The following TATDN3 variants were observed in gnomAD, a reference collection of about 807,000 sequenced individuals.
The protein encoded by TATDN3 is TatD DNase domain containing 3, also known as deoxyribonuclease TATDN3.
TATDN3 carries 29 observed loss-of-function variants against 40.1 expected under a neutral mutation model. The ratio of observed to expected loss-of-function variants is 0.72; its 90% CI spans 0.54 to 0.99. The LOEUF (loss-of-function observed/expected upper bound fraction) is 0.99, where lower values mean the gene tolerates loss of function less well. Among genes scored for constraint, TATDN3 ranks in the 50% least tolerant of loss-of-function variants. TATDN3 has a pLI of 0.00. For missense variants in TATDN3, 309 were observed against 321.9 expected (o/e 0.96, Z 0.31); for synonymous variants, 105 against 117.0 (o/e 0.90, Z 0.66).
In TATDN3 at chr1:212,804,168, A is replaced by AT. The variant is rs1465729377; in HGVS notation, c.322-151dup. 5.7e-6 allele frequency: 3 copies of AT among 530,758 alleles called. No individual in the cohort carries two copies. The East Asian group carries it at 9.0e-5, about 16-fold the overall frequency. 32.9% of individuals were successfully genotyped at this position (530,758 alleles called of 1,614,324 possible). A position where few individuals can be genotyped will look rare whatever the true frequency, so the allele number is the denominator to read the frequency against. On this transcript the variant is annotated intron_variant, in intron 5 of 9. Coordinates refer to ENST00000366974, the MANE Select transcript of TATDN3 (RefSeq NM_001042552.3). The stretch of plus-strand genomic sequence containing the variant: ...AGATTGATTTCACCTGTTTTTGTGA[A>AT]TATTTTTAATGTGGCTACTAGAATT...
chr1:212,814,260 T>C lies in TATDN3; in HGVS notation c.682-753T>C, dbSNP rs150551271. ...ATAAACAACATGATTAACATAAATC[T>C]CTATGCCCATTTTTAATTTTTTTGG... On this transcript the variant is annotated intron_variant, in intron 9 of 9. Transcript: ENST00000366974. 7.7e-3 allele frequency among the ~76,000 whole-genome samples: 1,172 copies of C among 152,346 alleles called. 23 individuals carry two copies. Among genetic ancestry groups the C allele is most frequent in the Non-Finnish European group, 0.012 (834 of 68,030 alleles).
At chr1:212,796,644 C>A in intron 3 of TATDN3, 54 bp downstream of exon 3, 1 of 1,254,522 alleles carries the variant, frequency 8.0e-7, no homozygotes, top group Non-Finnish European at 1.1e-6. Flanking sequence ...ACAGTTATGA[C>A]ATCCAGTTTA....
chr1:212,800,055 G>A (rs1049054461), intron 4 of TATDN3, among the ~76,000 whole-genome samples: 1 of 152,016 alleles, frequency 6.6e-6, no homozygotes, highest in African/African-American at 2.4e-5. Context: ...TAAAATATGT[G>A]GTACAAAGCT....
At chr1:212,810,124 G>T (rs1291185948) in intron 8 of TATDN3, among the ~76,000 whole-genome samples, 1 of 152,126 alleles carries the variant, frequency 6.6e-6, no homozygotes, top group Admixed American at 6.6e-5. Context: ...AGCACTTTGG[G>T]AGGCCAAGGG....
At chr1:212,809,766 G>C (rs1571972340) in intron 8 of TATDN3, among the ~76,000 whole-genome samples, 1 of 152,016 alleles carries the variant, frequency 6.6e-6, no homozygotes, top group East Asian at 1.9e-4. Flanking sequence ...GCTCACACCT[G>C]TAATCCCAGC....
intron 7 of TATDN3, among the ~76,000 whole-genome samples, chr1:212,806,971 T>C (rs1662578280): frequency 6.7e-6 from 1 of 149,292 alleles, no homozygotes; most frequent in South Asian, 2.1e-4. Flanking sequence ...TGAGATGGAG[T>C]CTCACTCTGT....
chr1:212,812,352 A>G lies in TATDN3; in HGVS notation c.681+24A>G, dbSNP rs767163724. On this transcript the variant is annotated intron_variant, in intron 9 of 9. Transcript: ENST00000366974. ...AGGTAAATGGTTTTCTAATTTCTAT[A>G]TTATTTAGATTGTATCTTTCATTTG... 6.0e-6 allele frequency: 7 copies of G among 1,160,744 alleles called. No individual in the cohort carries two copies. The Admixed American group carries it at 7.1e-5, about 12-fold the overall frequency. The allele number at this position is 1,160,744 out of a possible 1,614,324, so 71.9% of individuals were successfully genotyped here.
intron 8 of TATDN3, among the ~76,000 whole-genome samples, chr1:212,810,511 C>CAAAAAAAAA (rs55912631): frequency 2.0e-5 from 1 of 49,722 alleles, no homozygotes; most frequent in African/African-American, 8.4e-5. Context: ...GACTCTGTCT[C>CAAAAAAAAA]AAAAAAAAAA....
At chr1:212,792,397 C>T (rs1488882227) in intron 1 of TATDN3, among the ~76,000 whole-genome samples, 1 of 150,288 alleles carries the variant, frequency 6.7e-6, no homozygotes, top group Non-Finnish European at 1.5e-5. Flanking sequence ...TTTGGGAGGC[C>T]GAGGCGGGCG....
intron 3 of TATDN3, 56 bp from the exon 4 acceptor site, chr1:212,797,056 C>A: frequency 1.5e-6 from 2 of 1,324,878 alleles, no homozygotes; most frequent in Non-Finnish European, 2.2e-6. Context: ...CTTTAGAATA[C>A]GTTGTAATCT....
chr1:212,798,536 CAAAAAAAAAAAAAA>C (rs11296428), intron 4 of TATDN3, among the ~76,000 whole-genome samples: 5 of 91,322 alleles, frequency 5.5e-5, no homozygotes, highest in Admixed American at 1.3e-4. Flanking sequence ...CTCAAAAACT[CAAAAAAAAAAAAAA>C]AAAAAAAAGA....
rs1418036185 is a variant in TATDN3, at chr1:212,815,693, T to G, written c.*537T>G. On this transcript the variant is annotated 3_prime_UTR_variant, in exon 10 of 10. Coordinates refer to ENST00000366974, the MANE Select transcript of TATDN3 (RefSeq NM_001042552.3). ...CATGTGCCACCATGCCCAGCTAATT[T>G]TGTATTTTTAGTAGAGACAGGGTTT... The G allele has an allele frequency of 1.3e-5, 2 of 152,374 alleles. No homozygotes were observed. Among genetic ancestry groups the G allele is most frequent in the Non-Finnish European group, 2.9e-5 (2 of 68,204 alleles). The allele number at this position is 152,374 out of a possible 1,614,324, so 9.4% of individuals were successfully genotyped here.
chr1:212,796,793 A>G, intron 3 of TATDN3: 2 of 487,458 alleles, frequency 4.1e-6, no homozygotes, highest in Non-Finnish European at 7.2e-6. Context: ...GCTGGAGTGC[A>G]GTGGCGCAAT....
intron 1 of TATDN3, among the ~76,000 whole-genome samples, chr1:212,792,463 C>T (rs1335075544): frequency 5.4e-5 from 7 of 128,946 alleles, no homozygotes; most frequent in Non-Finnish European, 1.2e-4. Context: ...ATGGTGAAAC[C>T]TCGTCCCTAC....
In TATDN3 at chr1:212,816,508, G is replaced by A. The variant is rs962999880; in HGVS notation, c.*1352G>A. On this transcript the variant is annotated 3_prime_UTR_variant, in exon 10 of 10. Transcript: ENST00000366974. ...CAATTTTTTAAAAATCGTATATGTA[G>A]TTTAACAGGTGTGGTCAATATCAAA... 1.3e-5 allele frequency: 2 copies of A among 152,264 alleles called. No individual in the cohort carries two copies. The highest frequency in any genetic ancestry group is 1.3e-4 in the Admixed American group (2 of 15,294). 9.4% of individuals were successfully genotyped at this position (152,264 alleles called of 1,614,324 possible). A position where few individuals can be genotyped will look rare whatever the true frequency, so the allele number is the denominator to read the frequency against.
intron 8 of TATDN3, among the ~76,000 whole-genome samples, chr1:212,810,511 CAAAAAAA>C (rs55912631): frequency 3.0e-4 from 15 of 49,720 alleles, no homozygotes; most frequent in African/African-American, 6.7e-4. Context: ...GACTCTGTCT[CAAAAAAA>C]AAAAAAAAAA....
chr1:212,799,611 C>T (rs1455051016), intron 4 of TATDN3, among the ~76,000 whole-genome samples: 1 of 151,608 alleles, frequency 6.6e-6, no homozygotes, highest in Non-Finnish European at 1.5e-5. Flanking sequence ...CATCTCGGCT[C>T]ACTGCAGCCT....
rs1455850612 is a variant in TATDN3 at position 212,815,595 on chromosome 1, C to T, written c.*439C>T. 2 of 154,068 alleles carry T rather than the reference C, an allele frequency of 1.3e-5. No individual in the cohort carries two copies. The highest frequency in any genetic ancestry group is 2.9e-5 in the Non-Finnish European group (2 of 69,594). The allele number at this position is 154,068 out of a possible 1,614,324, so 9.5% of individuals were successfully genotyped here. ...CTGGAGTGCAATGGCACGATCTTGG[C>T]TCACTGCAACCTCCACTTCCCAGGT... is the stretch of plus-strand genomic sequence containing the variant. On this transcript the variant is annotated 3_prime_UTR_variant, in exon 10 of 10. Transcript: ENST00000366974.
chr1:212,798,768 C>T (rs1218968061), intron 4 of TATDN3, among the ~76,000 whole-genome samples: 1 of 152,158 alleles, frequency 6.6e-6, no homozygotes, highest in Non-Finnish European at 1.5e-5. Context: ...GCACCTGCTA[C>T]ATGCCAGGCA....
Sources: allele counts gnomAD v4.1 joint callset (sites outside exome capture counted in the v4.1 genomes callset), GRCh38; gene constraint gnomAD v4.1.1; transcripts MANE v1.5; gene names NCBI Gene and HGNC (gene_info 2026-07-23, HGNC 2026-07-21).